CDH13: variants seen among roughly 807,000 people sequenced by gnomAD.
CDH13 encodes the protein cadherin 13, also known as cadherin-13.
In CDH13, 24 loss-of-function variants were observed where a neutral mutation model predicts 63.8. The ratio of observed to expected loss-of-function variants is 0.38; its 90% CI spans 0.27 to 0.53. The LOEUF (loss-of-function observed/expected upper bound fraction) is 0.53. Among genes scored for constraint, CDH13 ranks in the 20% least tolerant of loss-of-function variants. The pLI, the probability that CDH13 is intolerant of heterozygous loss-of-function variation, is 0.85. For missense variants in CDH13, 1,049 were observed against 903.1 expected (o/e 1.16, Z -2.07); for synonymous variants, 503 against 355.3 (o/e 1.42, Z -4.67).
In CDH13 at chr16:82,793,577, C is replaced by T. The variant is rs1268012738; in HGVS notation, c.46-64785C>T. 2.0e-5 allele frequency among the ~76,000 whole-genome samples: 3 copies of T among 152,138 alleles called. No homozygotes were observed. The East Asian group carries it at 5.8e-4, about 29-fold the overall frequency. On this transcript the variant is annotated intron_variant, in intron 1 of 13. Transcript: ENST00000567109. The stretch of plus-strand genomic sequence containing the variant: ...GTCAGTCTGCCGTGTGCTTGGTGAA[C>T]CCCTGCTGGGCCGCATCATTTAAAA...
chr16:83,275,377 T>A lies in CDH13; in HGVS notation c.636+57880T>A, dbSNP rs550030684. On this transcript the variant is annotated intron_variant, in intron 5 of 13. Transcript: ENST00000567109. ...TGTCCACCTAATAGAAAGGCAATTT[T>A]GGCTGCTAATTTCCTGTCTGATCAG... 3.9e-5 allele frequency among the ~76,000 whole-genome samples: 6 copies of A among 152,366 alleles called. No individual in the cohort carries two copies. In the East Asian group the frequency reaches 1.2e-3, roughly 29 times the overall value.
chr16:82,961,227 T>G (rs1906936520), intron 2 of CDH13, among the ~76,000 whole-genome samples: 6 of 152,052 alleles, frequency 3.9e-5, no homozygotes, highest in Admixed American at 3.9e-4. Flanking sequence ...CCACCACAAG[T>G]CAATGAGGAG....
At position 83,795,151 on chromosome 16, in the gene CDH13, T is replaced by G; in HGVS notation, c.*121T>G. The G allele has an allele frequency of 3.4e-5, 24 of 715,998 alleles. No individual in the cohort carries two copies. Among genetic ancestry groups the G allele is most frequent in the Non-Finnish European group, 5.3e-5 (23 of 431,438 alleles). 44.4% of individuals were successfully genotyped at this position (715,998 alleles called of 1,614,324 possible). On this transcript the variant is annotated 3_prime_UTR_variant, in exon 14 of 14. Transcript: ENST00000567109. ...GAACTTCACAACTAGGCCTCAATTG[T>G]TCCGGTTTTTTATTTTCTTTACAAT...
chr16:83,370,310 C>T (rs868857203), intron 6 of CDH13, among the ~76,000 whole-genome samples: 6 of 151,610 alleles, frequency 4.0e-5, no homozygotes, highest in Admixed American at 3.3e-4. Flanking sequence ...ATGGTGTGAA[C>T]CCGGGAGGTG....
At chr16:83,608,220 C>A (rs1908527005) in intron 8 of CDH13, among the ~76,000 whole-genome samples, 1 of 151,856 alleles carries the variant, frequency 6.6e-6, no homozygotes, top group Non-Finnish European at 1.5e-5. Context: ...ATTATCATAC[C>A]TATAATAAAA....
At chr16:83,306,523 C>G (rs1423071756) in intron 5 of CDH13, among the ~76,000 whole-genome samples, 1 of 152,190 alleles carries the variant, frequency 6.6e-6, no homozygotes, top group East Asian at 1.9e-4. Context: ...CTTTGACTTT[C>G]TCTACCTTGT....
At chr16:83,373,096 C>G (rs150226816) in intron 6 of CDH13, among the ~76,000 whole-genome samples, 67 of 152,214 alleles carry the variant, frequency 4.4e-4, no homozygotes, top group African/African-American at 1.6e-3. Flanking sequence ...TTTCCAAAGC[C>G]AGAGTTTGGG....
chr16:83,345,119 C>T (rs779582981), intron 6 of CDH13, 113 bp downstream of exon 6: 35 of 1,244,144 alleles, frequency 2.8e-5, no homozygotes, highest in Admixed American at 8.6e-5. Flanking sequence ...CTCGTATCAG[C>T]GTCGACTTAA....
At chr16:82,658,587 A>T (rs1249857812) in intron 1 of CDH13, among the ~76,000 whole-genome samples, 1 of 152,222 alleles carries the variant, frequency 6.6e-6, no homozygotes, top group African/African-American at 2.4e-5. Flanking sequence ...CAAGATATTT[A>T]ATCTCTCTGT....
chr16:82,646,680 C>A (rs564168756), intron 1 of CDH13, among the ~76,000 whole-genome samples: 1 of 152,262 alleles, frequency 6.6e-6, no homozygotes, highest in African/African-American at 2.4e-5. Flanking sequence ...TGAGGTGCAT[C>A]TTGTCATCAT....
chr16:82,807,856 G>T (rs1423216430), intron 1 of CDH13, among the ~76,000 whole-genome samples: 1 of 152,098 alleles, frequency 6.6e-6, no homozygotes, highest in Non-Finnish European at 1.5e-5. Context: ...ACTTTATTTA[G>T]GCTCTTCCAT....
chr16:83,117,807 G>A (rs1326408306), intron 3 of CDH13, among the ~76,000 whole-genome samples: 1 of 149,360 alleles, frequency 6.7e-6, no homozygotes, highest in Non-Finnish European at 1.5e-5. Context: ...GCCCCTCACT[G>A]TTTCAGGGGT....
intron 1 of CDH13, among the ~76,000 whole-genome samples, chr16:82,650,532 G>C (rs1374677220): frequency 6.6e-6 from 1 of 152,196 alleles, no homozygotes; most frequent in Non-Finnish European, 1.5e-5. Context: ...GGCTTTCTGA[G>C]TGCAACCCCT....
intron 5 of CDH13, among the ~76,000 whole-genome samples, chr16:83,304,016 A>T (rs1019346185): frequency 6.6e-6 from 1 of 152,186 alleles, no homozygotes; most frequent in Non-Finnish European, 1.5e-5. Context: ...AGGTAGACAG[A>T]GAAACATCCC....
intron 5 of CDH13, among the ~76,000 whole-genome samples, chr16:83,314,851 A>G (rs12597952): frequency 0.94 from 142,621 of 152,252 alleles, 67,469 homozygotes; most frequent in Non-Finnish European, 1. Context: ...GGTTTTATGC[A>G]CAGCTCTTTT....
intron 6 of CDH13, among the ~76,000 whole-genome samples, chr16:83,382,608 A>T (rs1267910286): frequency 1.3e-5 from 2 of 152,060 alleles, no homozygotes; most frequent in Non-Finnish European, 2.9e-5. Context: ...ACTGAAACAA[A>T]ACCCAGTGCA....
chr16:83,785,346 G>C (rs1199445792), intron 13 of CDH13, among the ~76,000 whole-genome samples: 1 of 152,178 alleles, frequency 6.6e-6, no homozygotes. Flanking sequence ...TCACATGATG[G>C]GAGAGGCAAG....
At chr16:83,648,341 C>T (rs1912034597) in intron 8 of CDH13, among the ~76,000 whole-genome samples, 1 of 152,072 alleles carries the variant, frequency 6.6e-6, no homozygotes, top group Non-Finnish European at 1.5e-5. Flanking sequence ...ACTTAAGGGT[C>T]ACTTTGATTC....
intron 8 of CDH13, among the ~76,000 whole-genome samples, chr16:83,629,591 T>G (rs1165744810): frequency 6.6e-6 from 1 of 152,258 alleles, no homozygotes; most frequent in Non-Finnish European, 1.5e-5. Context: ...AAGCTATTTC[T>G]CATGTGTCTG....
Sources: allele counts gnomAD v4.1 joint callset (sites outside exome capture counted in the v4.1 genomes callset), GRCh38; gene constraint gnomAD v4.1.1; transcripts MANE v1.5; gene names NCBI Gene and HGNC (gene_info 2026-07-23, HGNC 2026-07-21).